HMOX1: variants seen among roughly 807,000 people sequenced by gnomAD.
The protein encoded by HMOX1 is heme oxygenase 1, also known as heat shock protein, 32-kD.
Under a neutral mutation model 27.8 loss-of-function variants are expected in HMOX1, and 22 were observed. The ratio of observed to expected loss-of-function variants is 0.79; its 90% confidence interval spans 0.57 to 1.13. The LOEUF (loss-of-function observed/expected upper bound fraction) is 1.13. Ranked by LOEUF, HMOX1 falls within the 50% of genes most tolerant of loss-of-function variation. The pLI, the probability that HMOX1 is intolerant of heterozygous loss-of-function variation, is 0.00. For synonymous variants in HMOX1, 153 were observed against 151.6 expected, an observed-to-expected ratio of 1.01 and a Z score of -0.07; for missense variants, 379 against 377.7, an observed-to-expected ratio of 1.00 and a Z score of -0.03.
intron 3 of HMOX1, among the ~76,000 whole-genome samples, chr22:35,389,369 TTCCTTCCTTCCTTCCTTC>T (rs1931630634): frequency 1.5e-5 from 1 of 65,476 alleles, no homozygotes; most frequent in Admixed American, 1.3e-4. Context: ...CCTTCCTTCC[TTCCTTCCTTCCTTCCTTC>T]CTTCCTTCCT....
At chr22:35,383,471 C>T (rs1296854365) in intron 2 of HMOX1, among the ~76,000 whole-genome samples, 4 of 152,158 alleles carry the variant, frequency 2.6e-5, no homozygotes, top group African/African-American at 7.2e-5. Flanking sequence ...TGACTGAGCA[C>T]CGGTTCCATG....
intron 1 of HMOX1, among the ~76,000 whole-genome samples, chr22:35,381,649 G>C (rs2145763371): frequency 6.6e-6 from 1 of 152,258 alleles, no homozygotes; most frequent in African/African-American, 2.4e-5. Flanking sequence ...CTCACAGATA[G>C]CCCAGTTCAG....
intron 2 of HMOX1, 143 bp from the exon 3 acceptor site, chr22:35,386,542 G>C (rs1931506609): frequency 1.0e-6 from 1 of 986,632 alleles, no homozygotes; most frequent in Non-Finnish European, 1.6e-6. Context: ...TGTGTGAAGA[G>C]GATTGTAGCG....
intron 4 of HMOX1, chr22:35,390,298 A>G (rs1931681875): frequency 5.6e-6 from 2 of 355,622 alleles, no homozygotes; most frequent in Admixed American, 4.1e-5. Context: ...ATCTCAGCTC[A>G]CTGCAACCTC....
Position 35,393,536 on chromosome 22 carries a change from C to T in HMOX1, c.805C>T (p.Arg269Ter), listed in dbSNP as rs766420732. Residue 269 changes from arginine to a stop codon, truncating the protein, a stop_gained, in exon 5 of 5, where the codon CGA becomes TGA. Transcript: ENST00000216117. LOFTEE classifies it high-confidence loss of function. The stretch of plus-strand genomic sequence containing the variant: ...CACCCGCTCCCAGGCTCCGCTTCTC[C>T]GATGGGTCCTTACACTCAGCTTTCT... ...LNTRSQAPLL[R>*]WVLTLSFLVA... 6.2e-6 allele frequency: 10 copies of T among 1,614,098 alleles called. No individual in the cohort carries two copies. The highest frequency in any genetic ancestry group is 4.0e-5 in the African/African-American group (3 of 74,948).
chr22:35,389,391 C>CTTTCTTTCTTTCTTT (rs1931636673), intron 3 of HMOX1, among the ~76,000 whole-genome samples: 2 of 49,832 alleles, frequency 4.0e-5, no homozygotes, highest in East Asian at 6.7e-4. Flanking sequence ...TTCCTTCCTT[C>CTTTCTTTCTTTCTTT]CTTCCTTTCT....
chr22:35,386,831 C>T lies in HMOX1; in HGVS notation c.291C>T (p.Tyr97=), dbSNP rs201495169. The T allele has an allele frequency of 8.1e-4, 1,308 of 1,614,182 alleles. 18 individuals carry two copies. The South Asian group carries it at 0.012, about 14-fold the overall frequency. ...TGGAGCAGGACCTGGCCTTCTGGTA[C>T]GGGCCCCGCTGGCAGGAGGTCATCC... ...AALEQDLAFW[Y]GPRWQEVIPY... is the part of the protein sequence containing the mutation. Residue 97 remains tyrosine (Y), a synonymous_variant, in exon 3 of 5, where the codon TAC becomes TAT. Transcript: ENST00000216117.
intron 2 of HMOX1, among the ~76,000 whole-genome samples, chr22:35,385,655 G>A (rs1439549554): frequency 6.0e-5 from 8 of 133,268 alleles, no homozygotes; most frequent in Non-Finnish European, 1.1e-4. Context: ...TTGCTCTGTC[G>A]CCCAGGCTGG....
At chr22:35,381,225 G>A in intron 1 of HMOX1, 29 bp downstream of exon 1, 2 of 1,533,896 alleles carry the variant, frequency 1.3e-6, no homozygotes, top group Non-Finnish European at 1.8e-6. Context: ...ACGCGGGACG[G>A]GCGCCTTTCT....
chr22:35,391,529 C>T (rs1426693241), intron 4 of HMOX1, among the ~76,000 whole-genome samples: 11 of 151,126 alleles, frequency 7.3e-5, no homozygotes, highest in Non-Finnish European at 1.2e-4. Context: ...CCTTGTGATC[C>T]GCCCGCCTCG....
At chr22:35,385,682 C>T (rs1931484297) in intron 2 of HMOX1, among the ~76,000 whole-genome samples, 1 of 143,630 alleles carries the variant, frequency 7.0e-6, no homozygotes, top group South Asian at 2.3e-4. Context: ...ATGGCGTGAT[C>T]TCGGCTCACT....
At chr22:35,388,214 G>A (rs1281393438) in intron 3 of HMOX1, among the ~76,000 whole-genome samples, 7 of 152,220 alleles carry the variant, frequency 4.6e-5, no homozygotes, top group Admixed American at 4.6e-4. Flanking sequence ...ACTTTGGGAG[G>A]CCAAAGCAGG....
Position 35,393,779 on chromosome 22 carries a change from C to T in HMOX1, c.*181C>T, listed in dbSNP as rs944731148. ...AAGGAGCCTATGGCATCTTCCCCAA[C>T]GAAAAGCACATCCAGGCAATGGCCT... is the stretch of plus-strand genomic sequence containing the variant. On this transcript the variant is annotated 3_prime_UTR_variant, in exon 5 of 5. Coordinates refer to ENST00000216117, the MANE Select transcript of HMOX1 (RefSeq NM_002133.3). 15 of 740,990 alleles carry T rather than the reference C, an allele frequency of 2.0e-5. No individual in the cohort carries two copies. Among genetic ancestry groups the T allele is most frequent in the East Asian group, 2.8e-5 (1 of 36,064 alleles). 45.9% of individuals were successfully genotyped at this position (740,990 alleles called of 1,614,324 possible). A position where few individuals can be genotyped will look rare whatever the true frequency, so the allele number is the denominator to read the frequency against.
intron 3 of HMOX1, among the ~76,000 whole-genome samples, chr22:35,388,518 T>C (rs1296415054): frequency 6.7e-6 from 1 of 150,224 alleles, no homozygotes; most frequent in East Asian, 2.0e-4. Context: ...CCGGGCGTGG[T>C]GGGTCACGCC....
intron 3 of HMOX1, among the ~76,000 whole-genome samples, chr22:35,389,229 C>CTTTCTTTTTCTT (rs1555901537): frequency 8.5e-6 from 1 of 116,976 alleles, no homozygotes; most frequent in African/African-American, 5.3e-5. Context: ...TTCTTTCTTT[C>CTTTCTTTTTCTT]TTTCTTTCTT....
At chr22:35,389,395 C>CCTTCCTTTCTTTCTTTCTTT (rs1555901604) in intron 3 of HMOX1, among the ~76,000 whole-genome samples, 16 of 51,808 alleles carry the variant, frequency 3.1e-4, no homozygotes, top group Non-Finnish European at 4.5e-4. Context: ...TTCCTTCCTT[C>CCTTCCTTTCTTTCTTTCTTT]CTTTCTTTCT....
intron 1 of HMOX1, 138 bp from the exon 2 acceptor site, chr22:35,382,968 A>G: frequency 1.6e-6 from 2 of 1,234,894 alleles, no homozygotes; most frequent in Non-Finnish European, 1.2e-6. Context: ...ACAAGGCTGC[A>G]TCTTAAAGCG....
chr22:35,393,180 A>G (rs920246192), intron 4 of HMOX1, among the ~76,000 whole-genome samples: 1 of 152,216 alleles, frequency 6.6e-6, no homozygotes, highest in African/African-American at 2.4e-5. Flanking sequence ...AGGAGAGGAC[A>G]GGGAGCAGGC....
rs911889128 is a variant in HMOX1, at chr22:35,393,770, C to G, written c.*172C>G. The G allele has an allele frequency of 2.5e-6, 2 of 799,416 alleles. No homozygotes were observed. The highest frequency in any genetic ancestry group is 4.2e-6 in the Non-Finnish European group (2 of 476,976). 49.5% of individuals were successfully genotyped at this position (799,416 alleles called of 1,614,324 possible). A position where few individuals can be genotyped will look rare whatever the true frequency, so the allele number is the denominator to read the frequency against. On this transcript the variant is annotated 3_prime_UTR_variant, in exon 5 of 5. Transcript: ENST00000216117. ...GAAAGGAGGAAGGAGCCTATGGCAT[C>G]TTCCCCAACGAAAAGCACATCCAGG...
Sources: gnomAD v4.1 joint callset for allele counts (sites outside exome capture counted in the v4.1 genomes callset) on GRCh38, gnomAD v4.1.1 for gene constraint, MANE v1.5 for transcripts, NCBI Gene and HGNC (gene_info 2026-07-23, HGNC 2026-07-21) for gene names.